CSE1L: variants seen among roughly 807,000 people sequenced by gnomAD.
CSE1L encodes the protein exportin-2.
Under a neutral mutation model 120.4 loss-of-function variants are expected in CSE1L, and 24 were observed. That is an observed-to-expected ratio of 0.20 (90% CI 0.14 to 0.28). CSE1L has a LOEUF of 0.28. CSE1L is among the 10% of genes least tolerant of loss of function. CSE1L has a pLI of 1.00. For missense variants in CSE1L, 830 were observed against 1,145.2 expected (o/e 0.72, Z 3.97); for synonymous variants, 402 against 398.3 (o/e 1.01, Z -0.11).
chr20:49,046,930 A>T (rs1286610275), intron 1 of CSE1L, among the ~76,000 whole-genome samples: 1 of 152,164 alleles, frequency 6.6e-6, no homozygotes, highest in Non-Finnish European at 1.5e-5. Context: ...CCCTAACTCT[A>T]GTGAAGCCCC....
intron 6 of CSE1L, 99 bp from the exon 7 acceptor site, chr20:49,068,616 A>G: frequency 1.3e-6 from 1 of 792,524 alleles, no homozygotes; most frequent in Non-Finnish European, 2.1e-6. Flanking sequence ...TAAATAAGTA[A>G]AATATGAATA....
intron 19 of CSE1L, among the ~76,000 whole-genome samples, 153 bp from the exon 20 acceptor site, chr20:49,090,589 G>A (rs1401381467): frequency 1.3e-5 from 2 of 152,074 alleles, no homozygotes; most frequent in East Asian, 1.9e-4. Flanking sequence ...ATGGCTACGC[G>A]GGAGGAATTG....
rs59986218 is a variant in CSE1L, at chr20:49,047,564, CTTTTTTT to C, written c.-12+1163_-12+1169del. ...TCTTTTTCTTTTTCTTTTCTCTTTT[CTTTTTTT>C]TTTTTTTTTTTTTTTTTTTTTGAGA... On this transcript the variant is annotated intron_variant, in intron 1 of 24. Coordinates refer to ENST00000262982, the MANE Select transcript of CSE1L (RefSeq NM_001316.4). Among the ~76,000 whole-genome samples the C allele has an allele frequency of 1.1e-3, 74 of 69,906 alleles. 2 individuals are homozygous for C. The highest frequency in any genetic ancestry group is 2.5e-3 in the African/African-American group (32 of 12,994). 45.9% of individuals were successfully genotyped at this position (69,906 alleles called of 152,430 possible).
In CSE1L at chr20:49,068,795, A is replaced by G; in HGVS notation, c.648A>G (p.Ser216=). The change falls in exon 7 of 25, where the codon TCA becomes TCG. Residue 216 remains serine, a synonymous_variant. Transcript: ENST00000262982. ...RILFSSLILI[S]KLFYSLNFQD... is the part of the protein sequence containing the mutation. ...TGTTTTCTTCCCTGATCCTGATCTCAAAATTGTTCTATAGTTTAAACTTTC... is the reference window on the plus strand; with the variant it reads ...TGTTTTCTTCCCTGATCCTGATCTCGAAATTGTTCTATAGTTTAAACTTTC... The G allele has an allele frequency of 1.9e-6, 3 of 1,612,068 alleles. No individual in the cohort carries two copies. Among genetic ancestry groups the G allele is most frequent in the South Asian group, 2.2e-5 (2 of 91,062 alleles).
chr20:49,070,131 G>A (rs1317190605), intron 7 of CSE1L, 74 bp from the exon 8 acceptor site: 7 of 695,108 alleles, frequency 1.0e-5, no homozygotes, highest in African/African-American at 7.3e-5. Context: ...TTTTGTCCAC[G>A]TGGTAAGGGA....
chr20:49,087,507 A>T (rs1406709414), intron 16 of CSE1L, among the ~76,000 whole-genome samples: 1 of 151,782 alleles, frequency 6.6e-6, no homozygotes, highest in Non-Finnish European at 1.5e-5. Flanking sequence ...ACAGACGTGC[A>T]CCACATACCT....
At chr20:49,048,179 G>A (rs1254325052) in intron 1 of CSE1L, among the ~76,000 whole-genome samples, 4 of 144,582 alleles carry the variant, frequency 2.8e-5, no homozygotes, top group Middle Eastern at 3.5e-3. Context: ...TGCTTTCAGA[G>A]GATCCTAATG....
intron 1 of CSE1L, among the ~76,000 whole-genome samples, chr20:49,057,166 A>T (rs1378216937): frequency 2.7e-5 from 4 of 150,654 alleles, no homozygotes; most frequent in Non-Finnish European, 5.9e-5. Context: ...TCTCTACAAA[A>T]TTTTTTTTTT....
intron 1 of CSE1L, among the ~76,000 whole-genome samples, chr20:49,050,382 CTAATTTTTTTTTT>C (rs1312717721): frequency 7.7e-6 from 1 of 129,464 alleles, no homozygotes; most frequent in African/African-American, 3.1e-5. Context: ...CCAAGCCCAG[CTAATTTTTTTTTT>C]TTTTTTTTTT....
intron 1 of CSE1L, among the ~76,000 whole-genome samples, chr20:49,047,785 A>G (rs183083339): frequency 8.6e-5 from 13 of 151,754 alleles, no homozygotes; most frequent in East Asian, 3.9e-4. Flanking sequence ...GGGTTTCACC[A>G]TGTTGATCAG....
chr20:49,080,413 C>G (rs1413423728), intron 14 of CSE1L, among the ~76,000 whole-genome samples: 1 of 151,920 alleles, frequency 6.6e-6, no homozygotes, highest in Non-Finnish European at 1.5e-5. Context: ...TAAGACAGAT[C>G]AGTGGATTCA....
At position 49,084,224 on chromosome 20, in the gene CSE1L, A is replaced by T. The variant is rs994112328; in HGVS notation, c.1619+62A>T. Reference sequence around the variant, plus strand: ...AGGGGCTGTACTGTGCTGGTCAAAGATATCTGAATGTTTTCATAATTTCAC... The same window carrying T: ...AGGGGCTGTACTGTGCTGGTCAAAGTTATCTGAATGTTTTCATAATTTCAC... On this transcript the variant is annotated intron_variant, in intron 15 of 24. Transcript: ENST00000262982. 18 of 1,456,118 alleles carry T rather than the reference A, an allele frequency of 1.2e-5. No homozygotes were observed. In the African/African-American group the frequency reaches 2.1e-4, roughly 17 times the overall value. The allele number at this position is 1,456,118 out of a possible 1,614,324, so 90.2% of individuals were successfully genotyped here.
intron 1 of CSE1L, among the ~76,000 whole-genome samples, chr20:49,047,619 C>T (rs1352971860): frequency 8.2e-6 from 1 of 121,840 alleles, no homozygotes; most frequent in Non-Finnish European, 1.6e-5. Flanking sequence ...CTCTGCCTCC[C>T]AGGCTGGAGT....
chr20:49,055,870 T>G (rs1297469175), intron 1 of CSE1L, among the ~76,000 whole-genome samples: 1 of 152,194 alleles, frequency 6.6e-6, no homozygotes, highest in African/African-American at 2.4e-5. Flanking sequence ...GTTTTTTGTT[T>G]TCTTCTATAT....
At chr20:49,079,703 G>C (rs1012687805) in intron 14 of CSE1L, among the ~76,000 whole-genome samples, 2 of 152,016 alleles carry the variant, frequency 1.3e-5, no homozygotes, top group African/African-American at 2.4e-5. Context: ...TTGGGCCTGC[G>C]GAATCCTCAT....
intron 1 of CSE1L, among the ~76,000 whole-genome samples, chr20:49,051,496 T>C (rs929775566): frequency 2.0e-5 from 3 of 152,114 alleles, no homozygotes; most frequent in African/African-American, 7.2e-5. Flanking sequence ...TGAGCTGAGA[T>C]CACGCCACTG....
At chr20:49,060,035 A>G (rs779800634) in intron 2 of CSE1L, among the ~76,000 whole-genome samples, 9 of 151,966 alleles carry the variant, frequency 5.9e-5, no homozygotes, top group South Asian at 2.1e-4. Context: ...AAATTTAAAA[A>G]TTAGCCAAGT....
In CSE1L at chr20:49,068,785, T is replaced by C. The variant is rs1379991222; in HGVS notation, c.638T>C (p.Ile213Thr). 1 of 1,613,186 alleles carries C rather than the reference T, an allele frequency of 6.2e-7. No homozygotes were observed. The highest frequency in any genetic ancestry group is 1.3e-5 in the African/African-American group (1 of 74,920). Residue 213 changes from isoleucine (I) to threonine (T), a missense_variant, in exon 7 of 25, where the codon ATC becomes ACC. Physicochemically the swap from Ile to Thr is moderately conservative, Grantham distance 89. Coordinates refer to ENST00000262982, the MANE Select transcript of CSE1L (RefSeq NM_001316.4). ...CTGAGGATTCTGTTTTCTTCCCTGA[T>C]CCTGATCTCAAAATTGTTCTATAGT... ...SALRILFSSL[I>T]LISKLFYSLN...
chr20:49,092,314 C>T (rs986428247), intron 22 of CSE1L, among the ~76,000 whole-genome samples, 187 bp downstream of exon 22: 7 of 151,904 alleles, frequency 4.6e-5, no homozygotes, highest in East Asian at 1.9e-4. Context: ...TGGTGGCTCA[C>T]GCCCGTAATC....
Sources: allele counts gnomAD v4.1 joint callset (sites outside exome capture counted in the v4.1 genomes callset), GRCh38; gene constraint gnomAD v4.1.1; transcripts MANE v1.5; gene names NCBI Gene and HGNC (gene_info 2026-07-23, HGNC 2026-07-21).